KIAA1217: variants seen among roughly 807,000 people sequenced by gnomAD.
KIAA1217 encodes KIAA1217.
A neutral mutation model predicts 163.9 loss-of-function variants in KIAA1217; 88 were observed. The ratio of observed to expected loss-of-function variants is 0.54; its 90% CI spans 0.45 to 0.64. The LOEUF is 0.64. Among genes scored for constraint, KIAA1217 ranks in the 30% least tolerant of loss-of-function variants. The probability of loss-of-function intolerance (pLI) is 0.00; values close to 1 mark genes in which losing one functional copy is unlikely to be tolerated. For synonymous variants in KIAA1217, 903 were observed against 923.1 expected, an observed-to-expected ratio of 0.98 and a Z score of 0.39; for missense variants, 2,372 against 2,475.0, an observed-to-expected ratio of 0.96 and a Z score of 0.88.
In KIAA1217 at chr10:23,790,501, G is replaced by GCATATATACATATATA. The variant is rs1491437902; in HGVS notation, c.-321+95280_-321+95281insATACATATATACATAT. On this transcript the variant is annotated intron_variant, in intron 1 of 18. Transcript: ENST00000376462. ...TGTGCATATATACATATATACATGT[G>GCATATATACATATATA]CATATATACATATGTATATATACAT... Among the ~76,000 whole-genome samples the GCATATATACATATATA allele has an allele frequency of 2.4e-3, 203 of 85,174 alleles. 27 individuals carry two copies. The highest frequency in any genetic ancestry group is 5.7e-3 in the Admixed American group (43 of 7,590). The allele number at this position is 85,174 out of a possible 152,430, so 55.9% of individuals were successfully genotyped here.
rs1346377461 is a variant in KIAA1217, at chr10:24,138,657, A to AC, written c.-170-80969_-170-80968insC. ...TTCCATTCATTAACCAAAAAAAAAA[A>AC]AACCACTCCAATGAACATTTATATA... On this transcript the variant is annotated intron_variant, in intron 2 of 18. Transcript: ENST00000376462. 2.9e-3 allele frequency among the ~76,000 whole-genome samples: 446 copies of AC among 151,826 alleles called. 4 individuals are homozygous for AC. Among genetic ancestry groups the AC allele is most frequent in the African/African-American group, 0.01 (417 of 41,442 alleles).
chr10:23,951,120 C>T (rs561790845), intron 1 of KIAA1217, among the ~76,000 whole-genome samples: 1 of 152,174 alleles, frequency 6.6e-6, no homozygotes, highest in Non-Finnish European at 1.5e-5. Flanking sequence ...TCCAAAAGCT[C>T]TGGTGTGATC....
chr10:24,348,299 C>T (rs1246209423), intron 2 of KIAA1217, among the ~76,000 whole-genome samples: 1 of 151,964 alleles, frequency 6.6e-6, no homozygotes, highest in Non-Finnish European at 1.5e-5. Flanking sequence ...GATCACACCA[C>T]TGCACTCTAG....
chr10:24,469,410 C>T (rs1423713947), intron 5 of KIAA1217, among the ~76,000 whole-genome samples: 5 of 151,902 alleles, frequency 3.3e-5, no homozygotes, highest in Admixed American at 3.3e-4. Flanking sequence ...TAGGCGTGAA[C>T]CACTGCACCG....
chr10:24,493,034 C>T (rs556346181), intron 6 of KIAA1217, among the ~76,000 whole-genome samples: 5 of 152,188 alleles, frequency 3.3e-5, no homozygotes, highest in Non-Finnish European at 5.9e-5. Context: ...ATAGTAGAGA[C>T]GGGGTTTCAC....
At chr10:24,457,860 C>T (rs2061967314) in intron 5 of KIAA1217, among the ~76,000 whole-genome samples, 1 of 152,340 alleles carries the variant, frequency 6.6e-6, no homozygotes, top group African/African-American at 2.4e-5. Context: ...GGCATTTCGT[C>T]ATATGGAGCA....
At chr10:24,078,832 T>C (rs2061449916) in intron 2 of KIAA1217, among the ~76,000 whole-genome samples, 1 of 152,226 alleles carries the variant, frequency 6.6e-6, no homozygotes, top group Non-Finnish European at 1.5e-5. Context: ...CCGTCTGTTC[T>C]TCCTGCCTGT....
intron 3 of KIAA1217, among the ~76,000 whole-genome samples, chr10:24,404,147 C>T (rs1296285763): frequency 1.3e-5 from 2 of 152,126 alleles, no homozygotes; most frequent in Non-Finnish European, 2.9e-5. Flanking sequence ...ATTTTAGACA[C>T]AGGGTTTCAC....
At chr10:24,259,519 G>T (rs2075514352) in intron 2 of KIAA1217, among the ~76,000 whole-genome samples, 1 of 152,202 alleles carries the variant, frequency 6.6e-6, no homozygotes, top group Non-Finnish European at 1.5e-5. Context: ...AGAGGCTAAG[G>T]TGGGAGGATT....
chr10:24,209,067 G>A, upstream of KIAA1217: 1 of 704,498 alleles, frequency 1.4e-6, no homozygotes, highest in East Asian at 2.6e-5. Flanking sequence ...AAAATAGTTT[G>A]GGGTGGGGTT....
intron 1 of KIAA1217, among the ~76,000 whole-genome samples, chr10:23,972,650 A>G (rs1845364374): frequency 6.6e-6 from 1 of 151,986 alleles, no homozygotes; most frequent in African/African-American, 2.4e-5. Flanking sequence ...CCAAAGACAC[A>G]TGCACACATA....
chr10:23,707,098 C>G (rs1453280548), intron 1 of KIAA1217, among the ~76,000 whole-genome samples: 1 of 152,040 alleles, frequency 6.6e-6, no homozygotes, highest in Non-Finnish European at 1.5e-5. Context: ...TGACTCCTGT[C>G]CTATGAGAAC....
At chr10:24,043,565 T>A (rs1287664296) in intron 2 of KIAA1217, among the ~76,000 whole-genome samples, 4 of 152,108 alleles carry the variant, frequency 2.6e-5, no homozygotes, top group Admixed American at 2.0e-4. Flanking sequence ...CCAAAATGCT[T>A]CATAAAAGGC....
At position 24,360,040 on chromosome 10, in the gene KIAA1217, C is replaced by CATTTTTTTTTTTTTTTTTTTTTTT. The variant is rs55881849; in HGVS notation, c.355-20829_355-20828insATTTTTTTTTTTTTTTTTTTTTTT. On this transcript the variant is annotated intron_variant, in intron 2 of 20. Coordinates refer to ENST00000376454, the MANE Select transcript of KIAA1217 (RefSeq NM_019590.5). ...ACTGTGTATCTTTAGGATATAATTA[C>CATTTTTTTTTTTTTTTTTTTTTTT]TTTTTTTTTTTTTTTTTTTTTTTTG... Among the ~76,000 whole-genome samples, 7 of 94,282 alleles carry CATTTTTTTTTTTTTTTTTTTTTTT rather than the reference C, an allele frequency of 7.4e-5. 1 individual carries two copies. The highest frequency in any genetic ancestry group is 9.6e-5 in the Non-Finnish European group (5 of 52,272). 61.9% of individuals were successfully genotyped at this position (94,282 alleles called of 152,430 possible).
intron 1 of KIAA1217, among the ~76,000 whole-genome samples, chr10:23,699,118 A>G (rs1174965487): frequency 2.0e-5 from 3 of 152,024 alleles, no homozygotes; most frequent in East Asian, 3.9e-4. Flanking sequence ...TCCCATGCCA[A>G]CCCCCTACTT....
chr10:23,909,734 A>G (rs1842349266), intron 1 of KIAA1217, among the ~76,000 whole-genome samples: 1 of 152,084 alleles, frequency 6.6e-6, no homozygotes, highest in African/African-American at 2.4e-5. Flanking sequence ...TGCTATTGTG[A>G]ACAGTGCCGC....
In KIAA1217 at chr10:23,811,409, A is replaced by T. The variant is rs1837046013; in HGVS notation, c.-321+116175A>T. Among the ~76,000 whole-genome samples the T allele has an allele frequency of 3.3e-5, 5 of 151,020 alleles. No individual in the cohort carries two copies. In the Admixed American group the frequency reaches 3.3e-4, roughly 10 times the overall value. On this transcript the variant is annotated intron_variant, in intron 1 of 18. Coordinates refer to the KIAA1217 transcript ENST00000376462. The stretch of plus-strand genomic sequence containing the variant: ...GGGAGTGGGACTGGAGAGGGAAAAA[A>T]GGGGAACTCAGTTTTGGCCAAAATG...
chr10:24,293,556 G>C (rs2079326654), intron 2 of KIAA1217, among the ~76,000 whole-genome samples: 1 of 125,958 alleles, frequency 7.9e-6, no homozygotes, highest in Admixed American at 7.4e-5. Context: ...ATGGCTGTTG[G>C]GCTTGGCAGC....
chr10:24,367,024 A>G (rs539773836), intron 2 of KIAA1217: 2 of 246,146 alleles, frequency 8.1e-6, no homozygotes, highest in South Asian at 3.0e-4. Flanking sequence ...CATCATGAAT[A>G]AATAGGTGGT....
Sources: allele counts gnomAD v4.1 joint callset (sites outside exome capture counted in the v4.1 genomes callset), GRCh38; gene constraint gnomAD v4.1.1; transcripts MANE v1.5; gene names NCBI Gene and HGNC (gene_info 2026-07-23, HGNC 2026-07-21).